PER2: variants seen among roughly 807,000 people sequenced by gnomAD.
PER2 encodes period circadian protein homolog 2.
Under a neutral mutation model 121.0 loss-of-function variants are expected in PER2, and 66 were observed. The ratio of observed to expected loss-of-function variants is 0.55; its 90% confidence interval spans 0.45 to 0.67. PER2 has a LOEUF of 0.67. Among genes scored for constraint, PER2 ranks in the 30% least tolerant of loss-of-function variants. PER2 has a pLI of 0.00. For missense variants in PER2, 1,521 were observed against 1,635.0 expected, an observed-to-expected ratio of 0.93 and a Z score of 1.20; for synonymous variants, 684 against 659.9, an observed-to-expected ratio of 1.04 and a Z score of -0.56.
At chr2:238,269,476 ACACT>A (rs1402802931) in intron 6 of PER2, among the ~76,000 whole-genome samples, 2 of 136,270 alleles carry the variant, frequency 1.5e-5, no homozygotes, top group African/African-American at 3.0e-5. Flanking sequence ...GCAACTGAAC[ACACT>A]CACGGTGCAC....
Position 238,252,825 on chromosome 2 carries a change from C to T in PER2, c.3111+87G>A. The stretch of plus-strand genomic sequence containing the variant: ...GGTGGAAACCTCAATCGTGTAACCC[C>T]CATGTCTGAACTGAGGATGTGCGGC... On this transcript the variant is annotated intron_variant, in intron 19 of 22. Transcript: ENST00000254657. This position sits in a 1 kb window ranked among gnomAD's most constrained non-coding sequence, Gnocchi z 4.2. 8.7e-7 allele frequency: 1 copy of T among 1,145,568 alleles called. No homozygotes were observed. The highest frequency in any genetic ancestry group is 1.3e-6 in the Non-Finnish European group (1 of 761,500). 71.0% of individuals were successfully genotyped at this position (1,145,568 alleles called of 1,614,324 possible).
In PER2 at chr2:238,255,709, G is replaced by A. The variant is rs773761088; in HGVS notation, c.2268C>T (p.Ser756=). 3.1e-6 allele frequency: 5 copies of A among 1,614,128 alleles called. No individual in the cohort carries two copies. The highest frequency in any genetic ancestry group is 3.4e-6 in the Non-Finnish European group (4 of 1,179,956). Reference sequence around the variant, plus strand: ...TTTCTTGCAAGTAGTAATGGCAGTGGGACTGGAAAATGCTGAGTTTTCTTA... The same window carrying A: ...TTTCTTGCAAGTAGTAATGGCAGTGAGACTGGAAAATGCTGAGTTTTCTTA... The part of the protein sequence containing the change: ...KEIRKLSIFQ[S]HCHYYLQERS... The change falls in exon 18 of 23, where the codon TCC becomes TCT. Residue 756 remains serine, a synonymous_variant. Coordinates refer to ENST00000254657, the MANE Select transcript of PER2 (RefSeq NM_022817.3).
Position 238,271,477 on chromosome 2 carries a change from T to C in PER2, c.607A>G (p.Lys203Glu). ...FAVAVSLVSG[K>E]ILYISDQVAS... Reference sequence around the variant, plus strand: ...ACCTGGTCAGAGATGTACAGGATCTTCCCAGACACCAGGGACACGGCCACC... The same window carrying C: ...ACCTGGTCAGAGATGTACAGGATCTCCCCAGACACCAGGGACACGGCCACC... Residue 203 changes from lysine (K) to glutamate (E), a missense_variant, in exon 6 of 23, where the codon AAG (lysine) becomes GAG (glutamate). By Grantham distance (56) the Lys-to-Glu change is moderately conservative. Transcript: ENST00000254657. The C allele has an allele frequency of 6.2e-7, 1 of 1,613,972 alleles. No homozygotes were observed. The highest frequency in any genetic ancestry group is 2.2e-5 in the East Asian group (1 of 44,874).
chr2:238,247,288 G>C (rs1695474633), intron 22 of PER2: 1 of 152,266 alleles, frequency 6.6e-6, no homozygotes, highest in Non-Finnish European at 1.5e-5. Context: ...ACACTGTGAG[G>C]ACATCCAGGC....
chr2:238,249,237 T>C (rs1695534410), intron 21 of PER2, 25 bp from the exon 22 acceptor site: 1 of 1,608,220 alleles, frequency 6.2e-7, no homozygotes, highest in Admixed American at 1.7e-5. Flanking sequence ...TAGAAATCGG[T>C]AAGCTTTCAA....
Position 238,271,343 on chromosome 2 carries a change from C to T in PER2, c.741G>A (p.Lys247=), listed in dbSNP as rs1559332383. 5 of 1,614,172 alleles carry T rather than the reference C, an allele frequency of 3.1e-6. No homozygotes were observed. In the African/African-American group the frequency reaches 6.7e-5, roughly 22 times the overall value. Residue 247 remains lysine (K), a synonymous_variant, in exon 6 of 23, where the codon AAG becomes AAA. Transcript: ENST00000254657. ...GVFHSFTSPY[K]LPLWSMCSGA... The stretch of plus-strand genomic sequence containing the variant: ...CACTGCACATGCTCCACAAGGGAAG[C>T]TTGTACGGGGAGGTGAAACTGTGGA...
chr2:238,298,476 T>A, the PER2 span: 4 of 152,142 alleles, frequency 2.6e-5, no homozygotes, highest in African/African-American at 9.7e-5. Flanking sequence ...TGTTTCAGAG[T>A]CACAGGGTCT....
chr2:238,247,255 C>T (rs1695473928), intron 22 of PER2: 1 of 152,334 alleles, frequency 6.6e-6, no homozygotes, highest in Non-Finnish European at 1.5e-5. Flanking sequence ...TTCCTCTTTT[C>T]CTCTCTGGGG....
chr2:238,298,162 G>A, the PER2 span, among the ~76,000 whole-genome samples: 2 of 151,700 alleles, frequency 1.3e-5, no homozygotes, highest in Non-Finnish European at 2.9e-5. Context: ...AGCCTCCAGA[G>A]TAGCTGGGAC....
chr2:238,279,895 C>G (rs752590268), intron 1 of PER2, among the ~76,000 whole-genome samples: 1 of 152,208 alleles, frequency 6.6e-6, no homozygotes, highest in East Asian at 1.9e-4. Context: ...CCAAATACCC[C>G]TGAGGAAGTG....
At position 238,246,276 on chromosome 2, in the gene PER2, A is replaced by G. The variant is rs536228012; in HGVS notation, c.*99T>C. 1 of 850,908 alleles carries G rather than the reference A, an allele frequency of 1.2e-6. No individual in the cohort carries two copies. Among genetic ancestry groups the G allele is most frequent in the South Asian group, 2.0e-5 (1 of 50,666 alleles). 52.7% of individuals were successfully genotyped at this position (850,908 alleles called of 1,614,324 possible). ...AAAACAAAAAAAGCAACATGAGCAT[A>G]TGTGTCCATTTCAGTGGAAACAGCC... is the stretch of plus-strand genomic sequence containing the variant. On this transcript the variant is annotated 3_prime_UTR_variant, in exon 23 of 23. Coordinates refer to ENST00000254657, the MANE Select transcript of PER2 (RefSeq NM_022817.3).
chr2:238,275,717 G>A, intron 4 of PER2, 26 bp downstream of exon 4: 1 of 1,607,804 alleles, frequency 6.2e-7, no homozygotes, highest in East Asian at 2.2e-5. Flanking sequence ...CTATAGGTTT[G>A]GAGCAGATGT....
At chr2:238,248,873 T>C in intron 22 of PER2, 189 bp downstream of exon 22, 1 of 672,696 alleles carries the variant, frequency 1.5e-6, no homozygotes, top group Non-Finnish European at 2.7e-6. Context: ...GCCAGGATGG[T>C]CTCGATCTCC....
Position 238,253,091 on chromosome 2 carries a change from G to C in PER2, c.2932C>G (p.Pro978Ala). The C allele has an allele frequency of 3.1e-6, 5 of 1,610,698 alleles. No homozygotes were observed. The highest frequency in any genetic ancestry group is 4.2e-6 in the Non-Finnish European group (5 of 1,177,762). ...TPPSAMGRAS[P>A]PLFQSRSSSP... The stretch of plus-strand genomic sequence containing the variant: ...CTGCTGCGGGACTGAAAGAGCGGTG[G>C]GGAGGCCCTACCCATGGCCGATGGT... The change falls in exon 19 of 23, where the codon CCA becomes GCA. Residue 978 changes from proline to alanine, a missense_variant. Coordinates refer to ENST00000254657, the MANE Select transcript of PER2 (RefSeq NM_022817.3). The surrounding 1 kb of genome is among the most constrained non-coding windows in gnomAD (Gnocchi z 5.6).
At position 238,260,893 on chromosome 2, in the gene PER2, G is replaced by A. The variant is rs765840770; in HGVS notation, c.1477C>T (p.His493Tyr). The A allele has an allele frequency of 6.2e-7, 1 of 1,613,816 alleles. No individual in the cohort carries two copies. The highest frequency in any genetic ancestry group is 1.1e-5 in the South Asian group (1 of 91,090). Residue 493 changes from histidine (H) to tyrosine (Y), a missense_variant, in exon 13 of 23, where the codon CAC (histidine) becomes TAC (tyrosine). Physicochemically the swap from His to Tyr is moderately conservative, Grantham distance 83. Transcript: ENST00000254657. ...CTGGAGGAGGTCTGGCTCATAAGGT[G>A]CTCGTGGGACCCGTTGCTGCCCAGA... Reference protein sequence around the residue: ...GSLGSNGSHEHLMSQTSSSDS... With the variant: ...GSLGSNGSHEYLMSQTSSSDS...
At chr2:238,286,284 C>T (rs949573878) in intron 1 of PER2, among the ~76,000 whole-genome samples, 1 of 152,164 alleles carries the variant, frequency 6.6e-6, no homozygotes, top group Non-Finnish European at 1.5e-5. Flanking sequence ...CCAGGAAGAG[C>T]ACGAGGAACC....
chr2:238,282,889 G>A (rs908474245), intron 1 of PER2, among the ~76,000 whole-genome samples: 12 of 152,220 alleles, frequency 7.9e-5, no homozygotes, highest in South Asian at 2.1e-4. Context: ...CCTTGCGCAC[G>A]AGCCCTCGTG....
chr2:238,262,883 A>G (rs746291426), intron 10 of PER2, 69 bp downstream of exon 10: 44 of 1,087,820 alleles, frequency 4.0e-5, no homozygotes, highest in Non-Finnish European at 5.9e-5. Flanking sequence ...ACTGGTCCCA[A>G]GAAGCAGCCC....
chr2:238,265,782 C>T (rs1480747398), intron 8 of PER2, among the ~76,000 whole-genome samples, 192 bp from the exon 9 acceptor site: 1 of 152,186 alleles, frequency 6.6e-6, no homozygotes, highest in Admixed American at 6.5e-5. Context: ...CGTTGGCCAG[C>T]CTTCTTAGCT....
Sources: allele counts gnomAD v4.1 joint callset (sites outside exome capture counted in the v4.1 genomes callset), GRCh38; gene constraint gnomAD v4.1.1; non-coding constraint Gnocchi (gnomAD v3.1); transcripts MANE v1.5; gene names NCBI Gene and HGNC (gene_info 2026-07-23, HGNC 2026-07-21).